The following YEATS2 variants were observed in gnomAD, a reference collection of about 807,000 sequenced individuals.
The protein encoded by YEATS2 is YEATS domain-containing protein 2.
Under a neutral mutation model 163.2 loss-of-function variants are expected in YEATS2, and 77 were observed. The ratio of observed to expected loss-of-function variants is 0.47; its 90% confidence interval spans 0.39 to 0.57. The LOEUF is 0.57. Ranked by LOEUF, YEATS2 falls within the 20% of genes least tolerant of loss-of-function variation. The pLI, the probability that YEATS2 is intolerant of heterozygous loss-of-function variation, is 0.00. For synonymous variants in YEATS2, 631 were observed against 645.1 expected (o/e 0.98, Z 0.33); for missense variants, 1,549 against 1,729.8 (o/e 0.90, Z 1.85).
rs752366253 is a variant in YEATS2 at position 183,728,860 on chromosome 3, G to A, written c.812+9G>A. ...GACCTTGTGGAAGTTAGGTAAGCAC[G>A]CTTGAGGTATTTAACCTAAATTGAA... On this transcript the variant is annotated intron_variant, in intron 7 of 30. Coordinates refer to ENST00000305135, the MANE Select transcript of YEATS2 (RefSeq NM_018023.5). 2.4e-5 allele frequency: 38 copies of A among 1,599,288 alleles called. No individual in the cohort carries two copies. The highest frequency in any genetic ancestry group is 1.3e-4 in the East Asian group (6 of 44,746).
At chr3:183,702,124 A>C (rs959991130) in intron 1 of YEATS2, among the ~76,000 whole-genome samples, 1 of 152,026 alleles carries the variant, frequency 6.6e-6, no homozygotes, top group Non-Finnish European at 1.5e-5. Context: ...TTTCCCCCTA[A>C]CTACTACAGA....
intron 8 of YEATS2, among the ~76,000 whole-genome samples, chr3:183,745,491 C>G (rs1021981083): frequency 6.6e-6 from 1 of 152,130 alleles, no homozygotes; most frequent in Non-Finnish European, 1.5e-5. Flanking sequence ...TCTTCCCCTC[C>G]TCAGATGCTT....
intron 7 of YEATS2, among the ~76,000 whole-genome samples, chr3:183,734,158 CAGA>C (rs1325072435): frequency 1.3e-5 from 2 of 152,246 alleles, no homozygotes; most frequent in Non-Finnish European, 2.9e-5. Context: ...AGTAAGTACC[CAGA>C]AGAAGTGATT....
intron 28 of YEATS2, chr3:183,807,346 C>A: frequency 2.2e-6 from 1 of 453,454 alleles, no homozygotes; most frequent in Non-Finnish European, 4.0e-6. Flanking sequence ...GCTTGTTGAA[C>A]GCAGACGTGA....
intron 7 of YEATS2, among the ~76,000 whole-genome samples, chr3:183,735,366 C>G (rs766547709): frequency 5.3e-5 from 8 of 152,224 alleles, no homozygotes; most frequent in Non-Finnish European, 1.2e-4. Context: ...AGTCTGCCTT[C>G]TCCTTTGACC....
intron 2 of YEATS2, among the ~76,000 whole-genome samples, 161 bp from the exon 3 acceptor site, chr3:183,717,490 A>G (rs1465523743): frequency 1.3e-5 from 2 of 152,192 alleles, no homozygotes; most frequent in Non-Finnish European, 2.9e-5. Flanking sequence ...TTACACCAAT[A>G]TTAGTGGTTT....
At chr3:183,707,096 A>G (rs1402305560) in intron 1 of YEATS2, among the ~76,000 whole-genome samples, 1 of 152,226 alleles carries the variant, frequency 6.6e-6, no homozygotes, top group African/African-American at 2.4e-5. Flanking sequence ...ATATCTTACT[A>G]TGTATATGCA....
chr3:183,754,298 G>C lies in YEATS2; in HGVS notation c.1323G>C (p.Gln441His), dbSNP rs1479825447. Residue 441 changes from glutamine to histidine, a missense_variant, in exon 11 of 31, where the codon CAG becomes CAC. Coordinates refer to ENST00000305135, the MANE Select transcript of YEATS2 (RefSeq NM_018023.5). The part of the protein sequence containing the change: ...ASSCKIVPQS[Q>H]VPNPESPGKS... ...GCTGCAAAATTGTTCCACAAAGTCAGGTTCCTAATCCTGAGTCACCTGGAA... is the reference window on the plus strand; with the variant it reads ...GCTGCAAAATTGTTCCACAAAGTCACGTTCCTAATCCTGAGTCACCTGGAA... 4 of 1,614,128 alleles carry C rather than the reference G, an allele frequency of 2.5e-6. No individual in the cohort carries two copies. The highest frequency in any genetic ancestry group is 1.7e-6 in the Non-Finnish European group (2 of 1,180,014).
chr3:183,803,407 AGC>A (rs1376028597), intron 26 of YEATS2, 72 bp downstream of exon 26: 3 of 1,371,954 alleles, frequency 2.2e-6, no homozygotes, highest in Non-Finnish European at 3.0e-6. Context: ...ATAAGATTGC[AGC>A]ATATTTGGTT....
intron 26 of YEATS2, 112 bp from the exon 27 acceptor site, chr3:183,803,875 A>G: frequency 1.6e-6 from 2 of 1,230,770 alleles, no homozygotes; most frequent in African/African-American, 1.5e-5. Context: ...TTTCTTTAAA[A>G]AAAAAAATTC....
chr3:183,701,356 AT>A (rs1256372054), intron 1 of YEATS2, among the ~76,000 whole-genome samples: 2 of 151,100 alleles, frequency 1.3e-5, no homozygotes, highest in Non-Finnish European at 2.9e-5. Context: ...CAGTGCTGGG[AT>A]TACAGGCTTG....
rs535177998 is a variant in YEATS2, at chr3:183,734,593, AG to A, written c.813-2123del. Among the ~76,000 whole-genome samples the A allele has an allele frequency of 2.4e-3, 366 of 152,336 alleles. 2 individuals are homozygous for A. Among genetic ancestry groups the A allele is most frequent in the African/African-American group, 8.6e-3 (356 of 41,574 alleles). ...GTTCTTTTAAAGGGCTTTCATGTGGAGGAAGAATTTACTCCTTGTGATTCCA... is the reference window on the plus strand; with the variant it reads ...GTTCTTTTAAAGGGCTTTCATGTGGAGAAGAATTTACTCCTTGTGATTCCA... On this transcript the variant is annotated intron_variant, in intron 7 of 30. Coordinates refer to ENST00000305135, the MANE Select transcript of YEATS2 (RefSeq NM_018023.5).
At chr3:183,713,496 G>C (rs1249394350) in intron 1 of YEATS2, among the ~76,000 whole-genome samples, 1 of 152,178 alleles carries the variant, frequency 6.6e-6, no homozygotes, top group Admixed American at 6.5e-5. Context: ...CCGGGAGGCG[G>C]AGGCTGCAGT....
chr3:183,726,730 C>T (rs1245943242), intron 6 of YEATS2, among the ~76,000 whole-genome samples: 1 of 152,100 alleles, frequency 6.6e-6, no homozygotes, highest in Non-Finnish European at 1.5e-5. Context: ...TGGCCATTTT[C>T]TATTTTCGTA....
rs73174084 is a variant in YEATS2 at position 183,698,745 on chromosome 3, C to T, written c.-20+752C>T. Among the ~76,000 whole-genome samples, 349 of 152,190 alleles carry T rather than the reference C, an allele frequency of 2.3e-3. 3 individuals are homozygous for T. The highest frequency in any genetic ancestry group is 4.2e-3 in the Non-Finnish European group (286 of 68,016). The stretch of plus-strand genomic sequence containing the variant: ...CAGAGTTGACCCACGTTTTCCATTC[C>T]CTTTTCTCGCTCACATGTAAAAAAT... On this transcript the variant is annotated intron_variant, in intron 1 of 30. Coordinates refer to ENST00000305135, the MANE Select transcript of YEATS2 (RefSeq NM_018023.5).
chr3:183,757,362 C>A (rs1293397727), intron 12 of YEATS2, among the ~76,000 whole-genome samples: 1 of 152,092 alleles, frequency 6.6e-6, no homozygotes, highest in East Asian at 1.9e-4. Context: ...GTGATCTCGG[C>A]TCACTGCAAC....
intron 22 of YEATS2, 131 bp from the exon 23 acceptor site, chr3:183,798,760 T>C: frequency 2.9e-6 from 2 of 684,930 alleles, no homozygotes; most frequent in Non-Finnish European, 2.6e-6. Context: ...AAAGGGACTT[T>C]GCAATTCCTG....
At chr3:183,704,634 A>C (rs1714434754) in intron 1 of YEATS2, among the ~76,000 whole-genome samples, 1 of 150,982 alleles carries the variant, frequency 6.6e-6, no homozygotes, top group African/African-American at 2.4e-5. Flanking sequence ...CATTTTATGA[A>C]CTTTTTTTTT....
intron 25 of YEATS2, 175 bp downstream of exon 25, chr3:183,801,703 G>A (rs539221759): frequency 2.0e-6 from 1 of 495,272 alleles, no homozygotes; most frequent in African/African-American, 2.0e-5. Context: ...CATCCAGTTA[G>A]TTTTTTATTG....
Sources: allele counts gnomAD v4.1 joint callset (sites outside exome capture counted in the v4.1 genomes callset), GRCh38; gene constraint gnomAD v4.1.1; transcripts MANE v1.5; gene names NCBI Gene and HGNC (gene_info 2026-07-23, HGNC 2026-07-21).